Variants in PLA2G6 observed in about 807,000 individuals in gnomAD.
PLA2G6 encodes 85/88 kDa calcium-independent phospholipase A2.
In PLA2G6, 62 loss-of-function variants were observed where a neutral mutation model predicts 83.8. The observed-to-expected ratio is 0.74, with a 90% confidence interval of 0.60 to 0.91. PLA2G6 has a LOEUF of 0.91. PLA2G6 is among the 40% of genes least tolerant of loss of function. The pLI is 0.00. For synonymous variants in PLA2G6, 417 were observed against 449.8 expected (o/e 0.93, Z 0.92); for missense variants, 944 against 1,102.0 (o/e 0.86, Z 2.03).
chr22:38,155,053 C>T (rs1197412467), intron 2 of PLA2G6, among the ~76,000 whole-genome samples: 1 of 151,918 alleles, frequency 6.6e-6, no homozygotes, highest in Non-Finnish European at 1.5e-5. Context: ...TGGTGAAATC[C>T]CATCTCTACT....
intron 13 of PLA2G6, 39 bp from the exon 14 acceptor site, chr22:38,115,720 G>A (rs902970540): frequency 1.3e-6 from 2 of 1,570,448 alleles, no homozygotes; most frequent in Non-Finnish European, 1.7e-6. Flanking sequence ...TGGCACAAGG[G>A]ACTGGCATAA....
intron 16 of PLA2G6, 42 bp downstream of exon 16, chr22:38,112,462 G>T: frequency 6.6e-7 from 1 of 1,524,854 alleles, no homozygotes. Context: ...GTCCGACCAC[G>T]CCAGGGCACG....
At chr22:38,127,224 C>T in intron 9 of PLA2G6, 2 of 1,199,308 alleles carry the variant, frequency 1.7e-6, no homozygotes, top group Non-Finnish European at 2.1e-6. Context: ...CTCCCCCTCC[C>T]CAGGGCACAC....
In PLA2G6 at chr22:38,145,422, T is replaced by C. The variant is rs780094447; in HGVS notation, c.425+16A>G. ...GTACACACACGTTGTCCAAATGGTC[T>C]TGTTCCCTTGCTCACCTGATGATAC... On this transcript the variant is annotated intron_variant, in intron 3 of 16. Coordinates refer to ENST00000332509, the MANE Select transcript of PLA2G6 (RefSeq NM_003560.4). The C allele has an allele frequency of 6.3e-7, 1 of 1,591,046 alleles. No individual in the cohort carries two copies. Among genetic ancestry groups the C allele is most frequent in the Non-Finnish European group, 8.6e-7 (1 of 1,167,810 alleles).
At chr22:38,156,297 G>C (rs2089775292) in intron 2 of PLA2G6, among the ~76,000 whole-genome samples, 1 of 152,088 alleles carries the variant, frequency 6.6e-6, no homozygotes, top group Admixed American at 6.5e-5. Context: ...AGAAACACCA[G>C]CCTTAGTCTG....
rs557676369 is a variant in PLA2G6, at chr22:38,131,985, C to T, written c.1077+846G>A. ...CAAAAATTAGCTGGGCATGGTGGCA[C>T]GTGCCTGCAGTCCCAGCTACTTGGG... On this transcript the variant is annotated intron_variant, in intron 7 of 16. Transcript: ENST00000332509. The T allele has an allele frequency of 7.1e-5, 25 of 352,416 alleles. 1 individual carries two copies. Among genetic ancestry groups the T allele is most frequent in the South Asian group, 3.5e-4 (17 of 48,552 alleles). The allele number at this position is 352,416 out of a possible 1,614,324, so 21.8% of individuals were successfully genotyped here. A position where few individuals can be genotyped will look rare whatever the true frequency, so the allele number is the denominator to read the frequency against.
intron 9 of PLA2G6, 97 bp from the exon 10 acceptor site, chr22:38,126,546 A>C: frequency 1.2e-6 from 1 of 848,054 alleles, no homozygotes; most frequent in Non-Finnish European, 2.0e-6. Context: ...TGCCTCGCCC[A>C]CGGCCACGCC....
In PLA2G6 at chr22:38,145,509, G is replaced by T; in HGVS notation, c.354C>A (p.Pro118=). The T allele has an allele frequency of 6.2e-7, 1 of 1,613,224 alleles. No individual in the cohort carries two copies. The highest frequency in any genetic ancestry group is 2.2e-5 in the East Asian group (1 of 44,866). ...CAGCCAGGTGGGCCACTGACCAGCT[G>T]GGGTGGTTACGGATGAGGTCGGTCA... is the stretch of plus-strand genomic sequence containing the variant. ...QHLTDLIRNH[P]SWSVAHLAVE... is the part of the protein sequence containing the mutation. Residue 118 remains proline (P), a synonymous_variant, in exon 3 of 17, where the codon CCC becomes CCA. Transcript: ENST00000332509.
At chr22:38,125,873 G>C (rs1349000078) in intron 10 of PLA2G6, among the ~76,000 whole-genome samples, 1 of 152,244 alleles carries the variant, frequency 6.6e-6, no homozygotes, top group Non-Finnish European at 1.5e-5. Flanking sequence ...CCGGGATTAT[G>C]CCTGAAGGGC....
chr22:38,125,313 C>T (rs930889291), intron 10 of PLA2G6, among the ~76,000 whole-genome samples: 1 of 151,724 alleles, frequency 6.6e-6, no homozygotes, highest in Admixed American at 6.6e-5. Flanking sequence ...GGTGTGTGTG[C>T]GTGCATGTGT....
chr22:38,175,962 T>C (rs892014419), intron 1 of PLA2G6, among the ~76,000 whole-genome samples: 4 of 152,142 alleles, frequency 2.6e-5, no homozygotes, highest in Admixed American at 6.5e-5. Flanking sequence ...AGACACACTT[T>C]ATTCCCTTGA....
chr22:38,131,886 A>G, intron 7 of PLA2G6: 1 of 324,302 alleles, frequency 3.1e-6, no homozygotes, highest in South Asian at 2.3e-5. Flanking sequence ...CAGGAGTTTG[A>G]GACCAGCCTG....
At chr22:38,137,967 C>T (rs1194404753) in intron 5 of PLA2G6, 1 of 152,318 alleles carries the variant, frequency 6.6e-6, no homozygotes, top group Non-Finnish European at 1.5e-5. Flanking sequence ...GCTGCCAAGT[C>T]GATAAGGGAT....
At chr22:38,114,366 T>C (rs2087061387) in intron 14 of PLA2G6, among the ~76,000 whole-genome samples, 2 of 152,166 alleles carry the variant, frequency 1.3e-5, no homozygotes, top group African/African-American at 4.8e-5. Flanking sequence ...TTTGTATTTT[T>C]AGTAGAGACA....
In PLA2G6 at chr22:38,120,791, C is replaced by G; in HGVS notation, c.1710G>C (p.Glu570Asp). 6.2e-7 allele frequency: 1 copy of G among 1,613,902 alleles called. No individual in the cohort carries two copies. Among genetic ancestry groups the G allele is most frequent in the Non-Finnish European group, 8.5e-7 (1 of 1,180,034 alleles). Residue 570 changes from glutamate to aspartate, a missense_variant, in exon 12 of 17, where the codon GAG becomes GAC. By Grantham distance (45) the Glu-to-Asp change is conservative. Transcript: ENST00000332509. ...TCCTGACGTCCGTCATCTTGGTGTG[C>G]TCCCCAAACTCCCGCTTCAGGAACT... Reference protein sequence around the residue: ...LEEFLKREFGEHTKMTDVRKP... With the variant: ...LEEFLKREFGDHTKMTDVRKP...
intron 2 of PLA2G6, among the ~76,000 whole-genome samples, chr22:38,151,809 C>G (rs2089574755): frequency 1.3e-5 from 2 of 152,188 alleles, no homozygotes; most frequent in South Asian, 4.1e-4. Context: ...AGAGATAAAT[C>G]TCGTAATCTC....
At chr22:38,171,318 C>T (rs1433673773) in intron 1 of PLA2G6, among the ~76,000 whole-genome samples, 2 of 152,270 alleles carry the variant, frequency 1.3e-5, no homozygotes, top group Non-Finnish European at 2.9e-5. Flanking sequence ...TTCTTCAAAT[C>T]CAAGCTTGGT....
chr22:38,125,520 T>G, intron 10 of PLA2G6: 1 of 343,360 alleles, frequency 2.9e-6, no homozygotes, highest in Non-Finnish European at 6.0e-6. Context: ...GAAGAGAGCT[T>G]TCCCTGCAGA....
At chr22:38,177,590 C>T (rs2090686894) in intron 1 of PLA2G6, among the ~76,000 whole-genome samples, 1 of 151,298 alleles carries the variant, frequency 6.6e-6, no homozygotes, top group Non-Finnish European at 1.5e-5. Flanking sequence ...AGTCTCCAGA[C>T]TAGCTGGGAT....
Sources: gnomAD v4.1 joint callset for allele counts (sites outside exome capture counted in the v4.1 genomes callset) on GRCh38, gnomAD v4.1.1 for gene constraint, MANE v1.5 for transcripts, NCBI Gene and HGNC (gene_info 2026-07-23, HGNC 2026-07-21) for gene names.